Variants in CAMTA1 observed in about 807,000 individuals in gnomAD.
The protein encoded by CAMTA1 is calmodulin binding transcription activator 1.
CAMTA1 carries 27 observed loss-of-function variants against 170.9 expected under a neutral mutation model. That is an observed-to-expected ratio of 0.16 (90% CI 0.12 to 0.22). The LOEUF is 0.22. CAMTA1 is among the 10% of genes least tolerant of loss of function. The pLI is 1.00. For synonymous variants in CAMTA1, 833 were observed against 891.5 expected (o/e 0.93, Z 1.17); for missense variants, 1,619 against 2,217.2 (o/e 0.73, Z 5.42).
intron 6 of CAMTA1, among the ~76,000 whole-genome samples, chr1:7,568,187 TCAA>T (rs781376717): frequency 1.3e-5 from 2 of 150,196 alleles, no homozygotes; most frequent in African/African-American, 5.0e-5. Context: ...CCATCCATCA[TCAA>T]CATCACCATC....
At chr1:7,127,861 C>A (rs1293785891) in intron 4 of CAMTA1, among the ~76,000 whole-genome samples, 2 of 152,200 alleles carry the variant, frequency 1.3e-5, no homozygotes, top group Admixed American at 6.5e-5. Context: ...AGGCCTCTTG[C>A]AACTTTGGCT....
In CAMTA1 at chr1:6,961,012, T is replaced by C. The variant is rs188504620; in HGVS notation, c.235-130292T>C. Among the ~76,000 whole-genome samples, 596 of 152,280 alleles carry C rather than the reference T, an allele frequency of 3.9e-3. 2 individuals are homozygous for C. The highest frequency in any genetic ancestry group is 6.7e-3 in the Non-Finnish European group (453 of 68,012). ...TCTGGTAAGTGGTAGAGCTGGGAGT[T>C]TTAAACCCAGGCAGCCTGGAGTGAA... is the stretch of plus-strand genomic sequence containing the variant. On this transcript the variant is annotated intron_variant, in intron 3 of 22. Coordinates refer to ENST00000303635, the MANE Select transcript of CAMTA1 (RefSeq NM_015215.4).
At chr1:7,351,005 T>C (rs1223210233) in intron 5 of CAMTA1, among the ~76,000 whole-genome samples, 1 of 152,250 alleles carries the variant, frequency 6.6e-6, no homozygotes, top group Admixed American at 6.5e-5. Flanking sequence ...CCATGGGTCC[T>C]CTAGGCCCAT....
At chr1:6,839,792 G>C (rs1283389495) in intron 3 of CAMTA1, among the ~76,000 whole-genome samples, 2 of 152,140 alleles carry the variant, frequency 1.3e-5, no homozygotes, top group Non-Finnish European at 2.9e-5. Context: ...GAATGTGCTT[G>C]CTTTGAGGAA....
intron 6 of CAMTA1, among the ~76,000 whole-genome samples, chr1:7,528,213 GAAAA>G (rs1486346234): frequency 6.6e-6 from 1 of 151,704 alleles, no homozygotes; most frequent in African/African-American, 2.4e-5. Context: ...TGTTGGTAAT[GAAAA>G]AAAACAACAA....
chr1:6,907,302 A>G (rs1055647204), intron 3 of CAMTA1, among the ~76,000 whole-genome samples: 5 of 152,158 alleles, frequency 3.3e-5, no homozygotes, highest in African/African-American at 9.7e-5. Flanking sequence ...CCTGACCTCT[A>G]GGAACTTTGT....
chr1:7,624,000 A>G (rs2095616691), intron 6 of CAMTA1, among the ~76,000 whole-genome samples: 1 of 152,232 alleles, frequency 6.6e-6, no homozygotes, highest in Non-Finnish European at 1.5e-5. Flanking sequence ...TGAAATTTAA[A>G]CACAGTTTTT....
intron 7 of CAMTA1, among the ~76,000 whole-genome samples, chr1:7,651,920 C>T (rs889223585): frequency 4.6e-5 from 7 of 152,234 alleles, no homozygotes; most frequent in Admixed American, 2.0e-4. Context: ...CACAGGGCAT[C>T]GCACTTGGAG....
chr1:7,336,715 T>C (rs2083403155), intron 5 of CAMTA1, among the ~76,000 whole-genome samples: 1 of 152,218 alleles, frequency 6.6e-6, no homozygotes, highest in East Asian at 1.9e-4. Context: ...GCAGGAGGCC[T>C]TGACTCCTTG....
intron 5 of CAMTA1, among the ~76,000 whole-genome samples, chr1:7,266,107 A>G (rs924628182): frequency 6.6e-6 from 1 of 152,268 alleles, no homozygotes; most frequent in African/African-American, 2.4e-5. Context: ...AAACTGGTGA[A>G]GCCTAAATTT....
At chr1:6,819,419 T>G (rs1646234464) in intron 1 of CAMTA1, among the ~76,000 whole-genome samples, 1 of 152,196 alleles carries the variant, frequency 6.6e-6, no homozygotes, top group Non-Finnish European at 1.5e-5. Flanking sequence ...GGAATTCCCC[T>G]TGATTTACTT....
chr1:7,750,124 T>C (rs2096885779), intron 19 of CAMTA1, among the ~76,000 whole-genome samples: 1 of 152,160 alleles, frequency 6.6e-6, no homozygotes, highest in Non-Finnish European at 1.5e-5. Flanking sequence ...TGTGCACAGG[T>C]GGAGACGATG....
At chr1:7,751,717 A>AG (rs1465175417) in intron 20 of CAMTA1, among the ~76,000 whole-genome samples, 1 of 83,350 alleles carries the variant, frequency 1.2e-5, no homozygotes, top group Admixed American at 1.6e-4. Context: ...TTTCCTGTTT[A>AG]GGAAAAAAAA....
At chr1:7,765,690 G>A (rs1364378250) in intron 22 of CAMTA1, among the ~76,000 whole-genome samples, 1 of 152,214 alleles carries the variant, frequency 6.6e-6, no homozygotes, top group African/African-American at 2.4e-5. Flanking sequence ...TAACAATCTT[G>A]AGTCTATGAA....
intron 5 of CAMTA1, among the ~76,000 whole-genome samples, chr1:7,352,809 G>C (rs2084787499): frequency 6.6e-6 from 1 of 152,192 alleles, no homozygotes; most frequent in African/African-American, 2.4e-5. Flanking sequence ...TCCCTAGCTG[G>C]ACCCATGACT....
chr1:7,327,406 CAAAAAA>C (rs34737058), intron 5 of CAMTA1, among the ~76,000 whole-genome samples: 1 of 87,902 alleles, frequency 1.1e-5, no homozygotes, highest in Non-Finnish European at 2.2e-5. Flanking sequence ...GACTCCATCT[CAAAAAA>C]AAAAAAAAAA....
chr1:7,404,927 GGTTT>G (rs528181373), intron 5 of CAMTA1, among the ~76,000 whole-genome samples: 94 of 152,052 alleles, frequency 6.2e-4, no homozygotes, highest in Admixed American at 2.0e-3. Flanking sequence ...TGTTTTTTGG[GGTTT>G]GTTTGTTTGT....
At position 7,443,116 on chromosome 1, in the gene CAMTA1, A is replaced by G. The variant is rs1012586415; in HGVS notation, c.439-24714A>G. Among the ~76,000 whole-genome samples the G allele has an allele frequency of 2.6e-5, 4 of 151,940 alleles. No individual in the cohort carries two copies. Among genetic ancestry groups the G allele is most frequent in the African/African-American group, 4.8e-5 (2 of 41,426 alleles). ...CAGAACTGTCCCTCCCAGCTCAAGT[A>G]TACTGTGTCTCTACCCAAGTCAAAG... On this transcript the variant is annotated intron_variant, in intron 5 of 22. Coordinates refer to ENST00000303635, the MANE Select transcript of CAMTA1 (RefSeq NM_015215.4). This position sits in a 1 kb window ranked among gnomAD's most constrained non-coding sequence, Gnocchi z 4.1.
At chr1:7,162,770 A>C (rs1029639261) in intron 4 of CAMTA1, among the ~76,000 whole-genome samples, 1 of 152,130 alleles carries the variant, frequency 6.6e-6, no homozygotes, top group Non-Finnish European at 1.5e-5. Context: ...GTTTCTGAGA[A>C]TCTTCCTGTA....
Sources: allele counts gnomAD v4.1 joint callset (sites outside exome capture counted in the v4.1 genomes callset), GRCh38; gene constraint gnomAD v4.1.1; non-coding constraint Gnocchi (gnomAD v3.1); transcripts MANE v1.5; gene names NCBI Gene and HGNC (gene_info 2026-07-23, HGNC 2026-07-21).